ZNF423: variants seen among roughly 807,000 people sequenced by gnomAD.
The protein encoded by ZNF423 is Ebf-associated zinc finger protein.
Under a neutral mutation model 95.8 loss-of-function variants are expected in ZNF423, and 12 were observed. The observed-to-expected ratio is 0.13, with a 90% CI of 0.08 to 0.20. The LOEUF is 0.20. ZNF423 is among the 10% of genes least tolerant of loss of function. ZNF423 has a pLI of 1.00. For synonymous variants in ZNF423, 749 were observed against 711.9 expected (o/e 1.05, Z -0.83); for missense variants, 1,316 against 1,737.1 (o/e 0.76, Z 4.31).
chr16:49,621,769 C>A (rs1035919707), intron 5 of ZNF423, among the ~76,000 whole-genome samples: 6 of 152,184 alleles, frequency 3.9e-5, no homozygotes, highest in African/African-American at 1.4e-4. Flanking sequence ...CAGAGCCAGC[C>A]CCAAACCAGG....
At position 49,492,497 on chromosome 16, in the gene ZNF423, G is replaced by A. The variant is rs1967012178; in HGVS notation, c.3850-1193C>T. On this transcript the variant is annotated intron_variant, in intron 7 of 7. Transcript: ENST00000563137. This position sits in a 1 kb window ranked among gnomAD's most constrained non-coding sequence, Gnocchi z 4.2. ...AGGCCGGGGCCGGGGCCGGGGCCGG[G>A]GCCGAGACGGGCCACTCCTGCTCCC... 6.6e-6 allele frequency among the ~76,000 whole-genome samples: 1 copy of A among 151,688 alleles called. No individual in the cohort carries two copies. The highest frequency in any genetic ancestry group is 2.4e-5 in the African/African-American group (1 of 41,204).
chr16:49,839,989 C>G (rs948818260), intron 1 of ZNF423, among the ~76,000 whole-genome samples: 1 of 152,210 alleles, frequency 6.6e-6, no homozygotes, highest in Non-Finnish European at 1.5e-5. Flanking sequence ...GCTCCTCACT[C>G]AACTAGAATA....
chr16:49,730,507 G>A (rs535906702), intron 3 of ZNF423: 118 of 523,614 alleles, frequency 2.3e-4, no homozygotes, highest in Admixed American at 1.5e-3. Flanking sequence ...CCCATTCATG[G>A]CCTGAGTACC....
At chr16:49,707,808 C>CTTAT (rs1489748357) in intron 3 of ZNF423, among the ~76,000 whole-genome samples, 11 of 151,972 alleles carry the variant, frequency 7.2e-5, no homozygotes, top group South Asian at 2.1e-4. Flanking sequence ...ATTTTACTTA[C>CTTAT]TTATTTATTT....
intron 2 of ZNF423, among the ~76,000 whole-genome samples, chr16:49,779,908 C>G (rs888893086): frequency 6.6e-6 from 1 of 152,164 alleles, no homozygotes; most frequent in East Asian, 1.9e-4. Context: ...GGGGCAGGGC[C>G]ATGGGCTTGC....
intron 5 of ZNF423, among the ~76,000 whole-genome samples, chr16:49,564,412 G>A (rs1162345530): frequency 6.6e-6 from 1 of 152,160 alleles, no homozygotes; most frequent in Non-Finnish European, 1.5e-5. Context: ...CTGTGACAAT[G>A]GGAAGGAACC....
chr16:49,735,660 G>C (rs1328576222), intron 2 of ZNF423, among the ~76,000 whole-genome samples: 1 of 152,128 alleles, frequency 6.6e-6, no homozygotes, highest in Non-Finnish European at 1.5e-5. Flanking sequence ...TGCATCTCCT[G>C]GGACACTCCC....
At chr16:49,505,556 G>A (rs1337936509) in intron 7 of ZNF423, among the ~76,000 whole-genome samples, 1 of 151,926 alleles carries the variant, frequency 6.6e-6, no homozygotes, top group East Asian at 1.9e-4. Context: ...CCCCCAGGCT[G>A]CAGGGCAGAA....
At chr16:49,501,583 C>T (rs1967404124) in intron 7 of ZNF423, among the ~76,000 whole-genome samples, 1 of 151,748 alleles carries the variant, frequency 6.6e-6, no homozygotes, top group Non-Finnish European at 1.5e-5. Flanking sequence ...CTCATATGTC[C>T]ACTGCAGCAC....
chr16:49,494,313 G>A (rs1469628715), intron 7 of ZNF423, among the ~76,000 whole-genome samples: 1 of 152,212 alleles, frequency 6.6e-6, no homozygotes, highest in Admixed American at 6.5e-5. Flanking sequence ...TTCCTTCCCT[G>A]AAGTTTTGTG....
intron 1 of ZNF423, among the ~76,000 whole-genome samples, chr16:49,792,968 C>T (rs747624394): frequency 6.6e-6 from 1 of 151,990 alleles, no homozygotes; most frequent in Non-Finnish European, 1.5e-5. Context: ...CAAGGTCTTG[C>T]TATGTTGCTC....
At chr16:49,780,139 C>T (rs976391486) in intron 2 of ZNF423, among the ~76,000 whole-genome samples, 4 of 152,222 alleles carry the variant, frequency 2.6e-5, no homozygotes, top group Admixed American at 1.3e-4. Flanking sequence ...GCACTGCACA[C>T]GTGTTCATTT....
intron 5 of ZNF423, among the ~76,000 whole-genome samples, chr16:49,620,143 A>AC (rs1373714558): frequency 4.6e-5 from 7 of 151,086 alleles, no homozygotes; most frequent in Non-Finnish European, 5.9e-5. Context: ...ACACACACAC[A>AC]CACACACACA....
intron 2 of ZNF423, among the ~76,000 whole-genome samples, chr16:49,772,412 T>C (rs2034051676): frequency 6.6e-6 from 1 of 152,206 alleles, no homozygotes; most frequent in African/African-American, 2.4e-5. Flanking sequence ...TGAAATCATG[T>C]TTCACCAGCT....
At chr16:49,558,917 C>A (rs1052327488) in intron 5 of ZNF423, among the ~76,000 whole-genome samples, 2 of 152,208 alleles carry the variant, frequency 1.3e-5, no homozygotes, top group African/African-American at 4.8e-5. Context: ...CCTGGAGGGG[C>A]CCAGCAATGA....
At chr16:49,810,712 C>T (rs2034737110) in intron 1 of ZNF423, among the ~76,000 whole-genome samples, 1 of 152,182 alleles carries the variant, frequency 6.6e-6, no homozygotes, top group Admixed American at 6.5e-5. Flanking sequence ...TAAATAAATA[C>T]AGGTGAGTAC....
intron 3 of ZNF423, among the ~76,000 whole-genome samples, chr16:49,697,811 ACGG>A (rs2032029071): frequency 6.6e-6 from 1 of 152,276 alleles, no homozygotes; most frequent in African/African-American, 2.4e-5. Context: ...AGCCTTACCT[ACGG>A]TGCGGGCAGG....
At chr16:49,528,611 C>CG (rs1968711352) in intron 5 of ZNF423, among the ~76,000 whole-genome samples, 1 of 152,138 alleles carries the variant, frequency 6.6e-6, no homozygotes. Flanking sequence ...GAAGGGTTCC[C>CG]GCAGAGCTGG....
chr16:49,601,084 T>C (rs1971355015), intron 5 of ZNF423, among the ~76,000 whole-genome samples: 1 of 152,220 alleles, frequency 6.6e-6, no homozygotes, highest in Non-Finnish European at 1.5e-5. Flanking sequence ...AATCCTTGTC[T>C]GAGACTGGAC....
Sources: gnomAD v4.1 joint callset for allele counts (sites outside exome capture counted in the v4.1 genomes callset) on GRCh38, gnomAD v4.1.1 for gene constraint, Gnocchi (gnomAD v3.1) non-coding constraint, MANE v1.5 for transcripts, NCBI Gene and HGNC (gene_info 2026-07-23, HGNC 2026-07-21) for gene names.